The following EIF2AK4 variants were observed in gnomAD, a reference collection of about 807,000 sequenced individuals.
EIF2AK4 encodes the protein eukaryotic translation initiation factor 2 alpha kinase 4, also known as eIF-2-alpha kinase GCN2.
EIF2AK4 carries 139 observed loss-of-function variants against 211.1 expected under a neutral mutation model. The ratio of observed to expected loss-of-function variants is 0.66; its 90% CI spans 0.57 to 0.76. EIF2AK4 has a LOEUF of 0.76. Ranked by LOEUF, EIF2AK4 falls within the 30% of genes least tolerant of loss-of-function variation. The probability of loss-of-function intolerance (pLI) is 0.00; values close to 1 mark genes in which losing one functional copy is unlikely to be tolerated. For synonymous variants in EIF2AK4, 710 were observed against 751.3 expected (o/e 0.94, Z 0.90); for missense variants, 1,664 against 2,043.8 (o/e 0.81, Z 3.58).
At chr15:39,960,515 G>A (rs1210362100) in intron 6 of EIF2AK4, among the ~76,000 whole-genome samples, 4 of 152,142 alleles carry the variant, frequency 2.6e-5, no homozygotes, top group South Asian at 2.1e-4. Context: ...GGTTTAGAGC[G>A]AGTGGAGGGA....
intron 16 of EIF2AK4, 60 bp from the exon 17 acceptor site, chr15:39,992,115 G>A: frequency 7.1e-7 from 1 of 1,414,088 alleles, no homozygotes; most frequent in Non-Finnish European, 9.8e-7. Context: ...AAACAGACAA[G>A]CCATTCTCAT....
rs1052076899 is a variant in EIF2AK4, at chr15:39,955,365, A to G, written c.595-255A>G. Among the ~76,000 whole-genome samples, 3 of 152,218 alleles carry G rather than the reference A, an allele frequency of 2.0e-5. 1 individual carries two copies. Among genetic ancestry groups the G allele is most frequent in the Non-Finnish European group, 4.4e-5 (3 of 68,050 alleles). On this transcript the variant is annotated intron_variant, in intron 5 of 38. Transcript: ENST00000263791. Reference sequence around the variant, plus strand: ...ATGGAGTATATAGTGAAGTTTTGATACATATAATGTATAGTGATCGGATCA... The same window carrying G: ...ATGGAGTATATAGTGAAGTTTTGATGCATATAATGTATAGTGATCGGATCA...
In EIF2AK4 at chr15:39,967,398, G is replaced by A. The variant is rs917035224; in HGVS notation, c.1072G>A (p.Val358Ile). 5.6e-6 allele frequency: 9 copies of A among 1,610,918 alleles called. No homozygotes were observed. The highest frequency in any genetic ancestry group is 1.3e-5 in the African/African-American group (1 of 74,132). Residue 358 changes from valine to isoleucine, a missense_variant, in exon 9 of 39, where the codon GTA becomes ATA. This residue lies in a region of EIF2AK4 where 641 missense variants were observed against 729.6 expected (regional missense o/e 0.88). Coordinates refer to ENST00000263791, the MANE Select transcript of EIF2AK4 (RefSeq NM_001013703.4). ...NSLVKLSHPN[V>I]VRYLAMNLKE... Reference sequence around the variant, plus strand: ...ACTGGTAAAATTGAGCCATCCAAATGTAGTACGCTACCTTGCAATGAATCT... The same window carrying A: ...ACTGGTAAAATTGAGCCATCCAAATATAGTACGCTACCTTGCAATGAATCT...
intron 32 of EIF2AK4, among the ~76,000 whole-genome samples, chr15:40,024,464 A>C (rs1327427499): frequency 7.6e-6 from 1 of 131,750 alleles, no homozygotes; most frequent in Admixed American, 9.3e-5. Context: ...GCTGGAGTGC[A>C]GTGGTGCAAT....
At chr15:39,971,514 G>A (rs1159262507) in intron 9 of EIF2AK4, among the ~76,000 whole-genome samples, 1 of 152,038 alleles carries the variant, frequency 6.6e-6, no homozygotes, top group Admixed American at 6.6e-5. Context: ...CTGGGCAAGA[G>A]AGCAAGACTT....
At chr15:39,987,778 T>G (rs1002533523) in intron 14 of EIF2AK4, among the ~76,000 whole-genome samples, 3 of 152,228 alleles carry the variant, frequency 2.0e-5, no homozygotes, top group African/African-American at 7.2e-5. Context: ...AATGGTTATG[T>G]TGGAGTGCCA....
At chr15:40,033,724 G>A (rs1447568710) in intron 37 of EIF2AK4, among the ~76,000 whole-genome samples, 2 of 152,128 alleles carry the variant, frequency 1.3e-5, no homozygotes, top group Admixed American at 6.5e-5. Flanking sequence ...TGCTATCACC[G>A]TTGTACAAAA....
chr15:40,008,251 G>C, intron 25 of EIF2AK4, 56 bp downstream of exon 25: 2 of 1,478,158 alleles, frequency 1.4e-6, no homozygotes, highest in Non-Finnish European at 1.8e-6. Context: ...TTCACCAAGT[G>C]TGGTGGGGAA....
At chr15:39,979,152 G>A (rs1391582031) in intron 13 of EIF2AK4, among the ~76,000 whole-genome samples, 1 of 152,166 alleles carries the variant, frequency 6.6e-6, no homozygotes, top group African/African-American at 2.4e-5. Flanking sequence ...GTTAGGTGGT[G>A]GGAGGAAGGG....
chr15:39,938,968 A>G (rs576502812), intron 1 of EIF2AK4, among the ~76,000 whole-genome samples: 37 of 152,320 alleles, frequency 2.4e-4, no homozygotes, highest in Admixed American at 2.4e-3. Context: ...AACATATGCA[A>G]TTCTCTCCTT....
intron 31 of EIF2AK4, among the ~76,000 whole-genome samples, chr15:40,021,387 A>G (rs550059035): frequency 6.6e-6 from 1 of 152,202 alleles, no homozygotes; most frequent in South Asian, 2.1e-4. Context: ...ACACTCAGCA[A>G]TGAAGCGCCT....
At chr15:40,012,518 T>G (rs1003554396) in intron 27 of EIF2AK4, among the ~76,000 whole-genome samples, 1 of 152,182 alleles carries the variant, frequency 6.6e-6, no homozygotes. Context: ...AATCTAAACA[T>G]GTACACAGCA....
intron 35 of EIF2AK4, among the ~76,000 whole-genome samples, chr15:40,031,623 A>C (rs1192652472): frequency 1.3e-5 from 2 of 152,204 alleles, no homozygotes; most frequent in Non-Finnish European, 2.9e-5. Flanking sequence ...TGAAGAGATA[A>C]TTGACAAGGA....
chr15:40,017,501 C>CTATATACA (rs2035319429), intron 29 of EIF2AK4, among the ~76,000 whole-genome samples: 1 of 26,130 alleles, frequency 3.8e-5, no homozygotes, highest in Non-Finnish European at 7.3e-5. Context: ...TACTCTGTTT[C>CTATATACA]TATATATATA....
At chr15:39,997,141 A>G in intron 19 of EIF2AK4, 76 bp downstream of exon 19, 1 of 1,100,970 alleles carries the variant, frequency 9.1e-7, no homozygotes, top group Non-Finnish European at 1.4e-6. Flanking sequence ...TCAAAGCAGG[A>G]TATTTTTCTG....
chr15:40,005,566 C>T (rs2035149088), intron 23 of EIF2AK4, among the ~76,000 whole-genome samples: 1 of 151,282 alleles, frequency 6.6e-6, no homozygotes, highest in African/African-American at 2.4e-5. Flanking sequence ...TCTGCATGTA[C>T]TTTTTTGTTT....
At chr15:40,004,206 AC>A (rs2035129478) in intron 23 of EIF2AK4, among the ~76,000 whole-genome samples, 1 of 152,196 alleles carries the variant, frequency 6.6e-6, no homozygotes, top group Non-Finnish European at 1.5e-5. Context: ...TTATAATAAA[AC>A]TTTAAAAATT....
chr15:39,943,218 C>T (rs375186836), intron 2 of EIF2AK4, among the ~76,000 whole-genome samples, 165 bp from the exon 3 acceptor site: 17 of 152,300 alleles, frequency 1.1e-4, no homozygotes, highest in Non-Finnish European at 2.4e-4. Flanking sequence ...CCCTGTAGGA[C>T]GCAGGTGACT....
At chr15:40,011,391 T>C (rs1427891632) in intron 27 of EIF2AK4, 45 bp downstream of exon 27, 1 of 1,522,112 alleles carries the variant, frequency 6.6e-7, no homozygotes, top group South Asian at 1.2e-5. Flanking sequence ...TCTGTAATTT[T>C]GTGATACCAG....
Sources: gnomAD v4.1 joint callset for allele counts (sites outside exome capture counted in the v4.1 genomes callset) on GRCh38, gnomAD v4.1.1 for gene constraint, gnomAD v4.1.1 regional missense constraint, MANE v1.5 for transcripts, NCBI Gene and HGNC (gene_info 2026-07-23, HGNC 2026-07-21) for gene names.